C14orf180: variants seen among roughly 807,000 people sequenced by gnomAD.
C14orf180 encodes nutritionally-regulated adipose and cardiac enriched protein homolog.
Under a neutral mutation model 13.9 loss-of-function variants are expected in C14orf180, and 13 were observed. The ratio of observed to expected loss-of-function variants is 0.94; its 90% confidence interval spans 0.61 to 1.49. The LOEUF is 1.49. C14orf180 is among the 40% of genes most tolerant of loss of function. C14orf180 has a pLI of 0.00. For synonymous variants in C14orf180, 113 were observed against 106.3 expected, an observed-to-expected ratio of 1.06 and a Z score of -0.39; for missense variants, 238 against 232.0, an observed-to-expected ratio of 1.03 and a Z score of -0.17.
chr14:104,589,560 G>A lies in C14orf180; in HGVS notation c.*777G>A, dbSNP rs80252681. ...CCTGTGGGTCCCGGAGACCGTCTGT[G>A]GTTGTGGCTTTGTCGCCGGATTGCA... On this transcript the variant is annotated 3_prime_UTR_variant, in exon 5 of 5. Transcript: ENST00000557649. This position sits in a 1 kb window ranked among gnomAD's most constrained non-coding sequence, Gnocchi z 4.9. 0.073 allele frequency: 11,173 copies of A among 152,788 alleles called. 539 individuals carry two copies. Among genetic ancestry groups the A allele is most frequent in the Middle Eastern group, 0.19 (57 of 296 alleles). 9.5% of individuals were successfully genotyped at this position (152,788 alleles called of 1,614,324 possible).
At chr14:104,585,766 CA>C (rs1451801020) in intron 1 of C14orf180, among the ~76,000 whole-genome samples, 2 of 149,280 alleles carry the variant, frequency 1.3e-5, no homozygotes, top group African/African-American at 5.1e-5. Flanking sequence ...CAGAGAGAGG[CA>C]GGGGGACAGA....
In C14orf180 at chr14:104,583,077, A is replaced by C. The variant is rs572496440; in HGVS notation, c.-17+3074A>C. ...AGCGTGAAGCCCAGTTAGGGAGGGGATGGCAGGGCTCAGGGAGGCTGTCTG... is the reference window on the plus strand; with the variant it reads ...AGCGTGAAGCCCAGTTAGGGAGGGGCTGGCAGGGCTCAGGGAGGCTGTCTG... On this transcript the variant is annotated intron_variant, in intron 1 of 4. Transcript: ENST00000557649. Among the ~76,000 whole-genome samples the C allele has an allele frequency of 3.7e-4, 56 of 152,308 alleles. 1 individual carries two copies. The highest frequency in any genetic ancestry group is 1.3e-3 in the African/African-American group (55 of 41,578).
At position 104,588,780 on chromosome 14, in the gene C14orf180, CTGACG is replaced by C; in HGVS notation, c.481_*2del. 6.7e-7 allele frequency: 1 copy of C among 1,493,246 alleles called. No individual in the cohort carries two copies. The highest frequency in any genetic ancestry group is 8.8e-7 in the Non-Finnish European group (1 of 1,136,630). The allele number at this position is 1,493,246 out of a possible 1,614,324, so 92.5% of individuals were successfully genotyped here. A position where few individuals can be genotyped will look rare whatever the true frequency, so the allele number is the denominator to read the frequency against. On this transcript the variant is annotated stop_lost and 3_prime_UTR_variant, in exon 5 of 5. Coordinates refer to ENST00000557649, the MANE Select transcript of C14orf180 (RefSeq NM_001008404.3). ...CCTGCTGGCGCGGCCTCCTGCGGCT[CTGACG>C]GGCAGGACGGGCAGGACGGGCAGGG...
chr14:104,583,722 A>G (rs1162782218), intron 1 of C14orf180, among the ~76,000 whole-genome samples: 3 of 152,096 alleles, frequency 2.0e-5, no homozygotes, highest in Admixed American at 2.0e-4. Flanking sequence ...TTAATGCCAC[A>G]GCCAGGCACC....
At chr14:104,587,703 G>A (rs762652719) in intron 2 of C14orf180, 46 bp from the exon 3 acceptor site, 1 of 1,603,668 alleles carries the variant, frequency 6.2e-7, no homozygotes, top group Non-Finnish European at 8.5e-7. Context: ...GGTACCAGCG[G>A]CCTCCCGCCG....
At chr14:104,588,351 C>T (rs528020736) in intron 4 of C14orf180, 42 bp downstream of exon 4, 42 of 1,611,390 alleles carry the variant, frequency 2.6e-5, no homozygotes, top group Non-Finnish European at 3.2e-5. Flanking sequence ...CTGCCCCCTC[C>T]GTGGGTGCAC....
At chr14:104,586,202 G>T (rs1289646234) in intron 1 of C14orf180, among the ~76,000 whole-genome samples, 3 of 152,170 alleles carry the variant, frequency 2.0e-5, no homozygotes. Context: ...AAAGGAAATT[G>T]CTTGCGATGG....
Position 104,588,683 on chromosome 14 carries a change from T to C in C14orf180, c.383T>C (p.Val128Ala). The change falls in exon 5 of 5, where the codon GTG becomes GCG. Residue 128 changes from valine to alanine, a missense_variant. Coordinates refer to ENST00000557649, the MANE Select transcript of C14orf180 (RefSeq NM_001008404.3). ...CTATACTGCGGCCGGGCCAAGCCCGTGGCAACGGCACTGGAGGACCTGCGG... is the reference window on the plus strand; with the variant it reads ...CTATACTGCGGCCGGGCCAAGCCCGCGGCAACGGCACTGGAGGACCTGCGG... The part of the protein sequence containing the change: ...LGLYCGRAKP[V>A]ATALEDLRAR... 1 of 1,535,180 alleles carries C rather than the reference T, an allele frequency of 6.5e-7. No homozygotes were observed. The highest frequency in any genetic ancestry group is 1.2e-5 in the South Asian group (1 of 83,950).
chr14:104,586,197 A>G (rs1228660392), intron 1 of C14orf180, among the ~76,000 whole-genome samples: 2 of 152,164 alleles, frequency 1.3e-5, no homozygotes, highest in African/African-American at 4.8e-5. Context: ...GCAGCAAAGG[A>G]AATTGCTTGC....
intron 1 of C14orf180, chr14:104,581,410 C>G (rs575874175): frequency 1.3e-5 from 2 of 152,462 alleles, no homozygotes; most frequent in African/African-American, 4.8e-5. Flanking sequence ...ACGGCCTCCC[C>G]ATGGACCGGG....
chr14:104,586,464 T>G lies in C14orf180; in HGVS notation c.34T>G (p.Ser12Ala), dbSNP rs950144392. The G allele has an allele frequency of 3.4e-5, 52 of 1,548,652 alleles. No homozygotes were observed. Among genetic ancestry groups the G allele is most frequent in the Admixed American group, 9.9e-5 (5 of 50,456 alleles). The change falls in exon 2 of 5, where the codon TCC becomes GCC. Residue 12 changes from serine (S) to alanine (A), a missense_variant. Coordinates refer to ENST00000557649, the MANE Select transcript of C14orf180 (RefSeq NM_001008404.3). ...RTAAGAVSPD[S>A]RPETRRQTRK... ...TGCAGCAGGAGCCGTGAGCCCTGAC[T>G]CCCGGCCAGAGACACGACGTCAGAC...
At chr14:104,586,332 A>C in intron 1 of C14orf180, 83 bp from the exon 2 acceptor site, 1 of 973,080 alleles carries the variant, frequency 1.0e-6, no homozygotes, top group Non-Finnish European at 1.4e-6. Context: ...GCTTCCAGGA[A>C]AGAATTTTCT....
chr14:104,587,613 C>T, intron 2 of C14orf180, 136 bp from the exon 3 acceptor site: 3 of 877,996 alleles, frequency 3.4e-6, no homozygotes, highest in Middle Eastern at 2.9e-4. Flanking sequence ...CAGGAAGTGA[C>T]AGGCCCAGCA....
chr14:104,580,636 G>T (rs1886403083), intron 1 of C14orf180, among the ~76,000 whole-genome samples: 1 of 152,236 alleles, frequency 6.6e-6, no homozygotes, highest in Non-Finnish European at 1.5e-5. Context: ...CTAGTTCTCA[G>T]TGTTTGGGAA....
In C14orf180 at chr14:104,582,731, G is replaced by C. The variant is rs532200852; in HGVS notation, c.-17+2728G>C. 1.1e-4 allele frequency among the ~76,000 whole-genome samples: 17 copies of C among 152,348 alleles called. No homozygotes were observed. In the South Asian group the frequency reaches 3.3e-3, roughly 30 times the overall value. ...CCAAGGGAGGCGCCATGGGGTTCCT[G>C]TTCCCAGAGTGGGGGTAGAGTCCCC... On this transcript the variant is annotated intron_variant, in intron 1 of 4. Transcript: ENST00000557649.
At chr14:104,583,525 C>T (rs1191020101) in intron 1 of C14orf180, among the ~76,000 whole-genome samples, 6 of 152,300 alleles carry the variant, frequency 3.9e-5, no homozygotes, top group Admixed American at 1.3e-4. Context: ...AGCAGACCAA[C>T]GCCCAGGCAG....
chr14:104,585,740 AAGAT>A (rs747812987), intron 1 of C14orf180, among the ~76,000 whole-genome samples: 9 of 121,268 alleles, frequency 7.4e-5, no homozygotes, highest in Non-Finnish European at 1.0e-4. Context: ...GAGACATAGA[AAGAT>A]AGAGACAGAA....
In C14orf180 at chr14:104,586,487, G is replaced by C; in HGVS notation, c.57G>C (p.Gln19His). Residue 19 changes from glutamine to histidine, a missense_variant, in exon 2 of 5, where the codon CAG becomes CAC. Coordinates refer to ENST00000557649, the MANE Select transcript of C14orf180 (RefSeq NM_001008404.3). ...ACTCCCGGCCAGAGACACGACGTCA[G>C]ACCAGAAAGAATGAGGAGGCCGCGT... ...SPDSRPETRR[Q>H]TRKNEEAAWG... is the part of the protein sequence containing the mutation. The C allele has an allele frequency of 6.4e-7, 1 of 1,551,030 alleles. No homozygotes were observed. The highest frequency in any genetic ancestry group is 2.4e-5 in the East Asian group (1 of 41,320).
chr14:104,587,470 G>A (rs1013501059), intron 2 of C14orf180, among the ~76,000 whole-genome samples: 2 of 152,168 alleles, frequency 1.3e-5, no homozygotes, highest in South Asian at 2.1e-4. Context: ...CCGAGACAGC[G>A]GGCAGACGAA....
Sources: allele counts gnomAD v4.1 joint callset (sites outside exome capture counted in the v4.1 genomes callset), GRCh38; gene constraint gnomAD v4.1.1; non-coding constraint Gnocchi (gnomAD v3.1); transcripts MANE v1.5; gene names NCBI Gene and HGNC (gene_info 2026-07-23, HGNC 2026-07-21).